The following SNAP23 variants were observed in gnomAD, a reference collection of about 807,000 sequenced individuals.
SNAP23 encodes synaptosomal-associated protein 23.
SNAP23 carries 11 observed loss-of-function variants against 29.0 expected under a neutral mutation model. That is an observed-to-expected ratio of 0.38 (90% CI 0.24 to 0.63). The LOEUF is 0.63. Among genes scored for constraint, SNAP23 ranks in the 20% least tolerant of loss-of-function variants. SNAP23 has a pLI of 0.58. For synonymous variants in SNAP23, 60 were observed against 82.9 expected (o/e 0.72, Z 1.50); for missense variants, 220 against 253.9 (o/e 0.87, Z 0.91).
intron 1 of SNAP23, among the ~76,000 whole-genome samples, chr15:42,499,769 TG>T (rs1394285341): frequency 1.3e-5 from 2 of 152,244 alleles, no homozygotes; most frequent in African/African-American, 4.8e-5. Context: ...CTAAAGCTTA[TG>T]GGCTTGAAAA....
chr15:42,521,485 G>A, intron 5 of SNAP23: 1 of 1,342,244 alleles, frequency 7.5e-7, no homozygotes, highest in East Asian at 2.8e-5. Flanking sequence ...AACCAGGCAG[G>A]AAATTGAATG....
At chr15:42,528,047 T>A in intron 5 of SNAP23, 1 of 465,720 alleles carries the variant, frequency 2.1e-6, no homozygotes. Flanking sequence ...TATTTGGACC[T>A]TTTTAAAATT....
At chr15:42,496,018 G>A (rs1184723521) in intron 1 of SNAP23, 14 of 152,254 alleles carry the variant, frequency 9.2e-5, no homozygotes, top group Admixed American at 9.2e-4. Flanking sequence ...GACATTAATA[G>A]ACTGCCTGTA....
At chr15:42,498,487 G>A (rs2057242024) in intron 1 of SNAP23, among the ~76,000 whole-genome samples, 1 of 152,220 alleles carries the variant, frequency 6.6e-6, no homozygotes, top group Admixed American at 6.5e-5. Flanking sequence ...TTAGCCAGGA[G>A]CTGGAGCAGC....
intron 4 of SNAP23, among the ~76,000 whole-genome samples, chr15:42,514,110 G>A (rs942650464): frequency 1.3e-5 from 2 of 148,340 alleles, no homozygotes; most frequent in East Asian, 2.0e-4. Context: ...CCACCGTGCC[G>A]GGCCTTTTGT....
At chr15:42,514,537 T>C (rs898084332) in intron 4 of SNAP23, among the ~76,000 whole-genome samples, 1 of 152,130 alleles carries the variant, frequency 6.6e-6, no homozygotes, top group Non-Finnish European at 1.5e-5. Flanking sequence ...TTGAGTTGAG[T>C]TGGCCCTGAG....
chr15:42,525,608 C>A (rs1049090805), intron 5 of SNAP23, among the ~76,000 whole-genome samples: 4 of 150,972 alleles, frequency 2.6e-5, no homozygotes, highest in African/African-American at 4.9e-5. Flanking sequence ...GGACTGCATT[C>A]GAGCGCCACC....
intron 5 of SNAP23, among the ~76,000 whole-genome samples, chr15:42,520,754 A>C (rs1215638796): frequency 3.3e-5 from 5 of 152,190 alleles, no homozygotes; most frequent in African/African-American, 9.6e-5. Flanking sequence ...TTGGCCTCCC[A>C]AAGTGTTGGG....
intron 1 of SNAP23, among the ~76,000 whole-genome samples, chr15:42,509,770 A>G (rs906160818): frequency 6.6e-6 from 1 of 152,132 alleles, no homozygotes; most frequent in African/African-American, 2.4e-5. Context: ...CAGCTATGAC[A>G]GTAGAATTAT....
chr15:42,511,418 G>A (rs966739261), intron 1 of SNAP23, among the ~76,000 whole-genome samples: 10 of 152,134 alleles, frequency 6.6e-5, no homozygotes, highest in African/African-American at 2.4e-4. Context: ...TTCAAATTTT[G>A]TTACTTTACT....
chr15:42,496,094 A>G (rs993419546), intron 1 of SNAP23, among the ~76,000 whole-genome samples: 3 of 152,162 alleles, frequency 2.0e-5, no homozygotes, highest in Admixed American at 6.5e-5. Flanking sequence ...GGTTCCTGGT[A>G]TTGGATAGCC....
At chr15:42,520,045 CTTTT>C (rs201577060) in intron 5 of SNAP23, among the ~76,000 whole-genome samples, 2 of 92,978 alleles carry the variant, frequency 2.2e-5, no homozygotes, top group Non-Finnish European at 2.0e-5. Flanking sequence ...AACCCCCTTG[CTTTT>C]TTTTTTTTTT....
At chr15:42,513,530 C>A in intron 4 of SNAP23, 83 bp downstream of exon 4, 1 of 1,081,370 alleles carries the variant, frequency 9.2e-7, no homozygotes, top group Non-Finnish European at 1.4e-6. Flanking sequence ...CAAATTTCAG[C>A]CTTTGGGAGA....
At chr15:42,503,527 G>A (rs1421272707) in intron 1 of SNAP23, among the ~76,000 whole-genome samples, 2 of 152,064 alleles carry the variant, frequency 1.3e-5, no homozygotes, top group Non-Finnish European at 2.9e-5. Flanking sequence ...ATGCCACCAC[G>A]CCCAGCTAAT....
At chr15:42,492,826 T>C (rs1009052007), upstream of SNAP23, 1 of 152,142 alleles carries the variant, frequency 6.6e-6, no homozygotes, top group African/African-American at 2.4e-5. Context: ...CACTCAAGGG[T>C]TGTGGTACGC....
At chr15:42,522,842 C>CT (rs5812226) in intron 5 of SNAP23, among the ~76,000 whole-genome samples, 57,215 of 90,486 alleles carry the variant, frequency 0.63, 22,104 homozygotes, top group East Asian at 0.86. Flanking sequence ...TAAAACTTGC[C>CT]TTTTTTTTTT....
chr15:42,494,897 T>C (rs765285977), upstream of SNAP23, among the ~76,000 whole-genome samples: 10 of 152,298 alleles, frequency 6.6e-5, no homozygotes, highest in Non-Finnish European at 1.3e-4. Flanking sequence ...GCAAATAGTT[T>C]ACAATAATCC....
chr15:42,532,612 A>C lies in SNAP23; in HGVS notation c.*1134A>C, dbSNP rs936175930. The C allele has an allele frequency of 2.6e-5, 4 of 152,624 alleles. No homozygotes were observed. The highest frequency in any genetic ancestry group is 9.7e-5 in the African/African-American group (4 of 41,448). The allele number at this position is 152,624 out of a possible 1,614,324, so 9.5% of individuals were successfully genotyped here. ...TGTAAATATATATGTGTAACATGAGAATTTCTCTCTAAAGCAGGGCTTAAA... is the reference window on the plus strand; with the variant it reads ...TGTAAATATATATGTGTAACATGAGCATTTCTCTCTAAAGCAGGGCTTAAA... On this transcript the variant is annotated 3_prime_UTR_variant, in exon 8 of 8. Coordinates refer to ENST00000249647, the MANE Select transcript of SNAP23 (RefSeq NM_003825.4).
In SNAP23 at chr15:42,518,759, A is replaced by G. The variant is rs115753076; in HGVS notation, c.266+3405A>G. Among the ~76,000 whole-genome samples, 1,426 of 152,042 alleles carry G rather than the reference A, an allele frequency of 9.4e-3. 16 individuals carry two copies. Among genetic ancestry groups the G allele is most frequent in the African/African-American group, 0.033 (1,365 of 41,456 alleles). ...TAAAAAACTCCTAAAGTTTTGTTTTATTTTTGCTGTAATGGTGCCACAACT... is the reference window on the plus strand; with the variant it reads ...TAAAAAACTCCTAAAGTTTTGTTTTGTTTTTGCTGTAATGGTGCCACAACT... On this transcript the variant is annotated intron_variant, in intron 5 of 7. Transcript: ENST00000249647.
Sources: allele counts gnomAD v4.1 joint callset (sites outside exome capture counted in the v4.1 genomes callset), GRCh38; gene constraint gnomAD v4.1.1; transcripts MANE v1.5; gene names NCBI Gene and HGNC (gene_info 2026-07-23, HGNC 2026-07-21).